KIAA1217: variants seen among roughly 807,000 people sequenced by gnomAD.
KIAA1217 encodes the protein sickle tail protein homolog.
In KIAA1217, 88 loss-of-function variants were observed where a neutral mutation model predicts 163.9. The observed-to-expected ratio is 0.54, with a 90% CI of 0.45 to 0.64. The LOEUF is 0.64. KIAA1217 is among the 30% of genes least tolerant of loss of function. KIAA1217 has a pLI of 0.00. For missense variants in KIAA1217, 2,372 were observed against 2,475.0 expected (o/e 0.96, Z 0.88); for synonymous variants, 903 against 923.1 (o/e 0.98, Z 0.39).
chr10:23,828,195 C>T (rs541722382), intron 1 of KIAA1217, among the ~76,000 whole-genome samples: 39 of 152,266 alleles, frequency 2.6e-4, no homozygotes, highest in African/African-American at 8.9e-4. Context: ...TGAAAATCTC[C>T]CCAAAACACA....
chr10:23,962,332 C>T (rs1255921329), intron 1 of KIAA1217, among the ~76,000 whole-genome samples: 2 of 152,208 alleles, frequency 1.3e-5, no homozygotes, highest in East Asian at 3.8e-4. Flanking sequence ...ATTGAATGTT[C>T]TGAGGCTTAA....
chr10:24,125,860 G>A (rs891308023), intron 2 of KIAA1217, among the ~76,000 whole-genome samples: 1 of 152,258 alleles, frequency 6.6e-6, no homozygotes, highest in East Asian at 1.9e-4. Flanking sequence ...TCCTTTTGAA[G>A]ATATTTCGCT....
At chr10:23,942,176 A>G (rs909218276) in intron 1 of KIAA1217, among the ~76,000 whole-genome samples, 8 of 152,220 alleles carry the variant, frequency 5.3e-5, no homozygotes, top group African/African-American at 1.4e-4. Context: ...ATGTGAAGAA[A>G]CAGACGTGAC....
At chr10:23,824,014 G>C (rs1837750574) in intron 1 of KIAA1217, among the ~76,000 whole-genome samples, 1 of 152,140 alleles carries the variant, frequency 6.6e-6, no homozygotes, top group Non-Finnish European at 1.5e-5. Flanking sequence ...GCTCACACCT[G>C]TAATCCCAGC....
intron 1 of KIAA1217, among the ~76,000 whole-genome samples, chr10:23,893,842 A>G (rs1036837914): frequency 6.6e-6 from 1 of 152,094 alleles, no homozygotes; most frequent in African/African-American, 2.4e-5. Context: ...AATATACGCA[A>G]ATCAATAAAT....
intron 2 of KIAA1217, among the ~76,000 whole-genome samples, chr10:24,277,178 G>T (rs1259409245): frequency 1.3e-5 from 2 of 152,244 alleles, no homozygotes; most frequent in Non-Finnish European, 2.9e-5. Context: ...ACTCTGGCCT[G>T]ATTGGAAGGT....
intron 17 of KIAA1217, among the ~76,000 whole-genome samples, chr10:24,539,855 G>C (rs1361781580): frequency 6.6e-6 from 1 of 152,072 alleles, no homozygotes; most frequent in Non-Finnish European, 1.5e-5. Flanking sequence ...CTCCAGCCTA[G>C]TTCTTCACTT....
chr10:23,949,287 A>G (rs998575318), intron 1 of KIAA1217, among the ~76,000 whole-genome samples: 4 of 152,190 alleles, frequency 2.6e-5, no homozygotes, highest in Non-Finnish European at 5.9e-5. Flanking sequence ...AGAAGCCATG[A>G]AAGAGGACAG....
At chr10:24,401,184 A>AATATAT (rs113096628) in intron 3 of KIAA1217, among the ~76,000 whole-genome samples, 18 of 147,300 alleles carry the variant, frequency 1.2e-4, no homozygotes, top group African/African-American at 3.5e-4. Context: ...ACCATCAACC[A>AATATAT]ATATATATAT....
intron 2 of KIAA1217, among the ~76,000 whole-genome samples, chr10:24,271,579 C>T (rs911401983): frequency 6.6e-6 from 1 of 151,934 alleles, no homozygotes; most frequent in Non-Finnish European, 1.5e-5. Context: ...GGCAAAACCC[C>T]ATCTCTGCAA....
chr10:24,232,859 T>C (rs1030920127), intron 2 of KIAA1217, among the ~76,000 whole-genome samples: 1 of 125,904 alleles, frequency 7.9e-6, no homozygotes, highest in Admixed American at 1.1e-4. Flanking sequence ...AGTGGCTCAT[T>C]AATCCCAGCA....
At chr10:24,160,121 A>G (rs1323200200) in intron 2 of KIAA1217, among the ~76,000 whole-genome samples, 1 of 152,218 alleles carries the variant, frequency 6.6e-6, no homozygotes, top group Non-Finnish European at 1.5e-5. Context: ...CGATAAATGC[A>G]TAAGGCATGA....
At chr10:24,390,459 A>AGGAG (rs1162208163) in intron 3 of KIAA1217, among the ~76,000 whole-genome samples, 8 of 94,556 alleles carry the variant, frequency 8.5e-5, no homozygotes, top group East Asian at 8.5e-4. Context: ...GGGGGAAAAA[A>AGGAG]GGAGGGAGGG....
intron 1 of KIAA1217, among the ~76,000 whole-genome samples, chr10:23,748,189 T>C (rs915827482): frequency 2.6e-5 from 4 of 152,158 alleles, no homozygotes; most frequent in African/African-American, 9.7e-5. Context: ...CTCCAAAACC[T>C]ATGCACGACA....
rs2067909758 is a variant in KIAA1217 at position 24,210,334 on chromosome 10, A to G, written c.70+1071A>G. Reference sequence around the variant, plus strand: ...AAACTTGAAGTTTTGTAATGGCTGGAGAATCCCTGAGTCTGAACAGTCATC... The same window carrying G: ...AAACTTGAAGTTTTGTAATGGCTGGGGAATCCCTGAGTCTGAACAGTCATC... On this transcript the variant is annotated intron_variant, in intron 1 of 20. Transcript: ENST00000376454. Among the ~76,000 whole-genome samples the G allele has an allele frequency of 5.3e-5, 8 of 152,320 alleles. No homozygotes were observed. The South Asian group carries it at 1.7e-3, about 32-fold the overall frequency.
At chr10:24,497,362 A>G (rs12782580) in intron 8 of KIAA1217, among the ~76,000 whole-genome samples, 29,874 of 152,086 alleles carry the variant, frequency 0.2, 3,178 homozygotes, top group South Asian at 0.33. Context: ...GGAAGATGTC[A>G]TTACCCATAT....
At chr10:24,428,602 ACATTC>A (rs1440314672) in intron 3 of KIAA1217, among the ~76,000 whole-genome samples, 1 of 152,192 alleles carries the variant, frequency 6.6e-6, no homozygotes, top group Non-Finnish European at 1.5e-5. Flanking sequence ...CACAAATGAG[ACATTC>A]CTTTTCAATG....
intron 1 of KIAA1217, among the ~76,000 whole-genome samples, chr10:23,884,145 T>A (rs1003582061): frequency 1.3e-5 from 2 of 151,904 alleles, no homozygotes; most frequent in East Asian, 3.9e-4. Flanking sequence ...ATTGCTGGAT[T>A]GTATAGCAAG....
intron 2 of KIAA1217, among the ~76,000 whole-genome samples, chr10:24,174,404 G>T (rs189860261): frequency 1.3e-5 from 2 of 152,286 alleles, no homozygotes; most frequent in East Asian, 1.9e-4. Context: ...TCCAAACTAT[G>T]TGCACGTATG....
Sources: allele counts gnomAD v4.1 joint callset (sites outside exome capture counted in the v4.1 genomes callset), GRCh38; gene constraint gnomAD v4.1.1; transcripts MANE v1.5; gene names NCBI Gene and HGNC (gene_info 2026-07-23, HGNC 2026-07-21).